The following UGT2A1 variants were observed in gnomAD, a reference collection of about 807,000 sequenced individuals.
The protein encoded by UGT2A1 is UDP-glucuronosyltransferase 2A1.
A neutral mutation model predicts 45.4 loss-of-function variants in UGT2A1; 61 were observed. The ratio of observed to expected loss-of-function variants is 1.34; its 90% CI spans 1.09 to 1.66. UGT2A1 has a LOEUF of 1.66. Among genes scored for constraint, UGT2A1 ranks in the 40% most tolerant of loss-of-function variants. The pLI, the probability that UGT2A1 is intolerant of heterozygous loss-of-function variation, is 0.00. For missense variants in UGT2A1, 649 were observed against 574.3 expected, an observed-to-expected ratio of 1.13 and a Z score of -1.33; for synonymous variants, 229 against 196.2, an observed-to-expected ratio of 1.17 and a Z score of -1.40.
chr4:69,623,787 G>A (rs909617772), intron 3 of UGT2A1, among the ~76,000 whole-genome samples: 2 of 150,668 alleles, frequency 1.3e-5, no homozygotes, highest in African/African-American at 4.9e-5. Flanking sequence ...TGAGATAAAG[G>A]TAGAAAATTG....
chr4:69,647,100 T>C lies in UGT2A1; in HGVS notation c.545A>G (p.His182Arg), dbSNP rs553437869. 12 of 1,612,894 alleles carry C rather than the reference T, an allele frequency of 7.4e-6. No individual in the cohort carries two copies. The highest frequency in any genetic ancestry group is 6.7e-5 in the African/African-American group (5 of 74,942). Residue 182 changes from histidine (H) to arginine (R), a missense_variant, in exon 2 of 7, where the codon CAC becomes CGC. Coordinates refer to ENST00000286604, the MANE Select transcript of UGT2A1 (RefSeq NM_001252275.3). Reference sequence around the variant, plus strand: ...AGGAGGGTATGGTACCTTCCCACAGTGCTTTTCCACTGTTGAGGCTGGAGA... The same window carrying C: ...AGGAGGGTATGGTACCTTCCCACAGCGCTTTTCCACTGTTGAGGCTGGAGA... ...RFSPASTVEK[H>R]CGKVPYPPSY...
intron 1 of UGT2A1, 98 bp from the exon 2 acceptor site, chr4:69,647,796 A>G (rs866260375): frequency 7.8e-6 from 4 of 512,000 alleles, no homozygotes; most frequent in African/African-American, 6.0e-5. Context: ...GATACTAGTC[A>G]TAGTAGCTCC....
chr4:69,638,828 T>A (rs1054943077), intron 2 of UGT2A1: 1 of 1,449,304 alleles, frequency 6.9e-7, no homozygotes, highest in African/African-American at 1.4e-5. Context: ...GGAATGGAAA[T>A]CGTTTGCCAT....
rs559611402 is a variant in UGT2A1 at position 69,589,191 on chromosome 4, T to C, written c.*181A>G. The C allele has an allele frequency of 1.0e-4, 79 of 764,552 alleles. No homozygotes were observed. In the African/African-American group the frequency reaches 1.3e-3, roughly 13 times the overall value. The allele number at this position is 764,552 out of a possible 1,614,324, so 47.4% of individuals were successfully genotyped here. Reference sequence around the variant, plus strand: ...TAGAAGACTATAACTCACAAGTTAATAATAATCATGCCAAAATCTAGGCTT... The same window carrying C: ...TAGAAGACTATAACTCACAAGTTAACAATAATCATGCCAAAATCTAGGCTT... On this transcript the variant is annotated 3_prime_UTR_variant, in exon 7 of 7. Transcript: ENST00000286604.
chr4:69,597,827 C>T (rs986589566), intron 4 of UGT2A1, among the ~76,000 whole-genome samples: 1 of 151,778 alleles, frequency 6.6e-6, no homozygotes, highest in Non-Finnish European at 1.5e-5. Flanking sequence ...TTCTGTGTAC[C>T]CAGTGATTGG....
intron 4 of UGT2A1, among the ~76,000 whole-genome samples, chr4:69,598,349 ATAGT>A (rs930750629): frequency 5.9e-5 from 9 of 152,136 alleles, no homozygotes; most frequent in African/African-American, 1.2e-4. Flanking sequence ...CTCCTTATTG[ATAGT>A]TAAATACATT....
chr4:69,590,233 G>A lies in UGT2A1; in HGVS notation c.1305-582C>T, dbSNP rs1047878418. ...AAAATACTCTGGTGATTTAAGAAGT[G>A]GCATATCCAAGTACATGAACTTTGA... On this transcript the variant is annotated intron_variant, in intron 6 of 6. Transcript: ENST00000286604. 6.6e-5 allele frequency among the ~76,000 whole-genome samples: 10 copies of A among 152,100 alleles called. No individual in the cohort carries two copies. The East Asian group carries it at 1.7e-3, about 26-fold the overall frequency.
At chr4:69,596,482 G>A in intron 4 of UGT2A1, 3 of 1,339,236 alleles carry the variant, frequency 2.2e-6, no homozygotes, top group South Asian at 2.1e-5. Flanking sequence ...ATATGTCAGA[G>A]AAACTGTTGA....
At chr4:69,594,985 C>A (rs1718830837) in intron 5 of UGT2A1, among the ~76,000 whole-genome samples, 177 bp downstream of exon 5, 1 of 152,060 alleles carries the variant, frequency 6.6e-6, no homozygotes, top group South Asian at 2.1e-4. Context: ...TTTTGTGAAC[C>A]AGAGGAAGCC....
chr4:69,618,913 A>C (rs773547530), intron 3 of UGT2A1, among the ~76,000 whole-genome samples: 4 of 151,968 alleles, frequency 2.6e-5, no homozygotes, highest in Admixed American at 1.3e-4. Flanking sequence ...GGTTAGAAGA[A>C]ATTTTTTAAA....
In UGT2A1 at chr4:69,607,636, T is replaced by C. The variant is rs1719730515; in HGVS notation, c.848-8242A>G. ...CTACCATCAGAGTGAACAGGCAACC[T>C]ACAGAATGGGAGAAAATTTTTGCAA... On this transcript the variant is annotated intron_variant, in intron 3 of 6. Coordinates refer to ENST00000286604, the MANE Select transcript of UGT2A1 (RefSeq NM_001252275.3). 2.0e-5 allele frequency among the ~76,000 whole-genome samples: 3 copies of C among 152,226 alleles called. No individual in the cohort carries two copies. In the South Asian group the frequency reaches 6.2e-4, roughly 32 times the overall value.
At chr4:69,639,614 C>A (rs1310288986) in intron 2 of UGT2A1, 2 of 1,598,152 alleles carry the variant, frequency 1.3e-6, no homozygotes, top group Non-Finnish European at 1.7e-6. Flanking sequence ...ACTTCTTAGG[C>A]ATGGTAAAAT....
At chr4:69,647,750 C>T (rs1338181942) in intron 1 of UGT2A1, 52 bp from the exon 2 acceptor site, 1 of 759,196 alleles carries the variant, frequency 1.3e-6, no homozygotes, top group South Asian at 2.2e-5. Context: ...TTGAGGCAAA[C>T]CATTAATATC....
At position 69,588,840 on chromosome 4, in the gene UGT2A1, A is replaced by C. The variant is rs1718409070; in HGVS notation, c.*532T>G. The C allele has an allele frequency of 6.6e-6, 1 of 152,000 alleles. No individual in the cohort carries two copies. Among genetic ancestry groups the C allele is most frequent in the Non-Finnish European group, 1.5e-5 (1 of 68,034 alleles). 9.4% of individuals were successfully genotyped at this position (152,000 alleles called of 1,614,324 possible). A position where few individuals can be genotyped will look rare whatever the true frequency, so the allele number is the denominator to read the frequency against. The stretch of plus-strand genomic sequence containing the variant: ...CGTCACACTTAAAATTCATTCTCTA[A>C]CTCCTGAAACATTGAGCAAGCAGAA... On this transcript the variant is annotated 3_prime_UTR_variant, in exon 7 of 7. Coordinates refer to ENST00000286604, the MANE Select transcript of UGT2A1 (RefSeq NM_001252275.3).
rs144395851 is a variant in UGT2A1, at chr4:69,647,617, G to C, written c.28C>G (p.Leu10Val). Residue 10 changes from leucine (L) to valine (V), a missense_variant, in exon 2 of 7, where the codon CTT becomes GTT. Leu to Val is a conservative substitution (Grantham distance 32, BLOSUM62 1). Transcript: ENST00000286604. MLNNLLLFSLQISLIGTTLG... is the reference protein window; with the variant it reads MLNNLLLFSVQISLIGTTLG... ...GTGGTTCCTATGAGACTTATCTGAA[G>C]GGAGAACAGCAGAAGGTTGTTTAAC... 13 of 1,594,818 alleles carry C rather than the reference G, an allele frequency of 8.2e-6. No homozygotes were observed. Among genetic ancestry groups the C allele is most frequent in the Non-Finnish European group, 1.1e-5 (13 of 1,171,696 alleles).
chr4:69,613,364 C>T (rs939765976), intron 3 of UGT2A1, among the ~76,000 whole-genome samples: 2 of 151,774 alleles, frequency 1.3e-5, no homozygotes, highest in Non-Finnish European at 2.9e-5. Flanking sequence ...CAAGTAAAGC[C>T]CAGGACCTGA....
chr4:69,645,409 T>G (rs557083904), intron 2 of UGT2A1, among the ~76,000 whole-genome samples: 1 of 151,804 alleles, frequency 6.6e-6, no homozygotes, highest in African/African-American at 2.4e-5. Context: ...TTAGTAGCCC[T>G]GTCAGAGATG....
At chr4:69,611,757 T>G (rs1221491149) in intron 3 of UGT2A1, among the ~76,000 whole-genome samples, 1 of 152,062 alleles carries the variant, frequency 6.6e-6, no homozygotes, top group Admixed American at 6.6e-5. Context: ...AGTAAAAACA[T>G]GAATTCTGAA....
At chr4:69,637,423 G>C (rs985989265) in intron 2 of UGT2A1, among the ~76,000 whole-genome samples, 1 of 152,088 alleles carries the variant, frequency 6.6e-6, no homozygotes, top group Admixed American at 6.6e-5. Context: ...CTTGTGAAAG[G>C]TAAGAGTAAG....
Sources: allele counts gnomAD v4.1 joint callset (sites outside exome capture counted in the v4.1 genomes callset), GRCh38; gene constraint gnomAD v4.1.1; transcripts MANE v1.5; gene names NCBI Gene and HGNC (gene_info 2026-07-23, HGNC 2026-07-21).